The following GNAQ variants were observed in gnomAD, a reference collection of about 807,000 sequenced individuals.
GNAQ encodes guanine nucleotide-binding protein G(q) subunit alpha.
Under a neutral mutation model 43.9 loss-of-function variants are expected in GNAQ, and 8 were observed. That is an observed-to-expected ratio of 0.18 (90% CI 0.11 to 0.33). The LOEUF (loss-of-function observed/expected upper bound fraction) is 0.33, where lower values mean the gene tolerates loss of function less well. GNAQ is among the 10% of genes least tolerant of loss of function. The probability of loss-of-function intolerance (pLI) is 1.00; values close to 1 mark genes in which losing one functional copy is unlikely to be tolerated. For missense variants in GNAQ, 158 were observed against 450.8 expected, an observed-to-expected ratio of 0.35 and a Z score of 5.88; for synonymous variants, 155 against 170.7, an observed-to-expected ratio of 0.91 and a Z score of 0.71.
At chr9:77,769,675 T>C (rs1487642552) in intron 5 of GNAQ, among the ~76,000 whole-genome samples, 1 of 150,152 alleles carries the variant, frequency 6.7e-6, no homozygotes, top group Non-Finnish European at 1.5e-5. Context: ...TTTTTTTTTT[T>C]TTTTTTTGGG....
chr9:78,029,967 C>G (rs1239793445), intron 1 of GNAQ, among the ~76,000 whole-genome samples: 1 of 152,110 alleles, frequency 6.6e-6, no homozygotes, highest in Non-Finnish European at 1.5e-5. Context: ...GTATATGAAC[C>G]CTGATCGCTT....
intron 5 of GNAQ, among the ~76,000 whole-genome samples, chr9:77,740,528 T>C (rs1004817663): frequency 1.3e-5 from 2 of 152,340 alleles, no homozygotes; most frequent in East Asian, 3.9e-4. Flanking sequence ...GTGTAACTTA[T>C]TGGCTTAAAA....
chr9:77,890,424 C>T (rs1285974734), intron 2 of GNAQ, among the ~76,000 whole-genome samples: 4 of 152,110 alleles, frequency 2.6e-5, no homozygotes, highest in Non-Finnish European at 5.9e-5. Context: ...AGAAACGTGT[C>T]ATAAAACTGC....
intron 2 of GNAQ, among the ~76,000 whole-genome samples, chr9:77,849,158 C>T (rs1020606463): frequency 2.0e-5 from 3 of 152,020 alleles, no homozygotes; most frequent in Non-Finnish European, 2.9e-5. Context: ...CTGCTCCAGC[C>T]GACAGCAAAG....
intron 1 of GNAQ, among the ~76,000 whole-genome samples, chr9:78,029,877 G>A (rs1824028183): frequency 6.6e-6 from 1 of 152,168 alleles, no homozygotes; most frequent in African/African-American, 2.4e-5. Flanking sequence ...GAACACAAGT[G>A]CAGACATTTT....
intron 1 of GNAQ, among the ~76,000 whole-genome samples, chr9:77,999,799 C>A (rs749562921): frequency 6.6e-6 from 1 of 152,044 alleles, no homozygotes; most frequent in Admixed American, 6.6e-5. Flanking sequence ...TATTACCCTG[C>A]CAAAAATCAC....
chr9:77,737,662 G>C (rs1030868215), intron 5 of GNAQ, among the ~76,000 whole-genome samples: 1 of 152,160 alleles, frequency 6.6e-6, no homozygotes, highest in African/African-American at 2.4e-5. Context: ...ATAATCAACA[G>C]AGCAGCCTTG....
Position 77,933,277 on chromosome 9 carries a change from G to A in GNAQ, c.137-10932C>T, listed in dbSNP as rs190452781. ...CCTGATTTGCAATTTCACTTCCTATGAGATAAATCTCCTTAGCTAAAGAAA... is the reference window on the plus strand; with the variant it reads ...CCTGATTTGCAATTTCACTTCCTATAAGATAAATCTCCTTAGCTAAAGAAA... On this transcript the variant is annotated intron_variant, in intron 1 of 6. Transcript: ENST00000286548. Among the ~76,000 whole-genome samples the A allele has an allele frequency of 1.6e-3, 248 of 152,248 alleles. 1 individual carries two copies. Among genetic ancestry groups the A allele is most frequent in the African/African-American group, 5.9e-3 (244 of 41,552 alleles).
chr9:77,954,300 G>A (rs1029472569), intron 1 of GNAQ, among the ~76,000 whole-genome samples: 3 of 152,186 alleles, frequency 2.0e-5, no homozygotes, highest in Admixed American at 2.0e-4. Context: ...TGGTGTTAGA[G>A]AATTCCTGTT....
At chr9:77,749,377 T>C (rs1825778122) in intron 5 of GNAQ, among the ~76,000 whole-genome samples, 1 of 152,144 alleles carries the variant, frequency 6.6e-6, no homozygotes, top group Admixed American at 6.5e-5. Context: ...CTTAACCAGG[T>C]GGTAGAATGT....
rs1564102657 is a variant in GNAQ at position 77,761,036 on chromosome 9, A to AGCCCCTCCGCCCGGCAGCCACCCCATCTG, written c.736-32398_736-32370dup. 1.2e-4 allele frequency among the ~76,000 whole-genome samples: 18 copies of AGCCCCTCCGCCCGGCAGCCACCCCATCTG among 151,460 alleles called. No homozygotes were observed. The East Asian group carries it at 3.2e-3, about 27-fold the overall frequency. ...CAGCCGCCCCATCTGAGAAGTGAGGAGCCCCTCCGCCCGGCAGCCACCCCA... is the reference window on the plus strand; with the variant it reads ...CAGCCGCCCCATCTGAGAAGTGAGGAGCCCCTCCGCCCGGCAGCCACCCCATCTGGCCCCTCCGCCCGGCAGCCACCCCA... On this transcript the variant is annotated intron_variant, in intron 5 of 6. Coordinates refer to ENST00000286548, the MANE Select transcript of GNAQ (RefSeq NM_002072.5).
At chr9:77,931,311 C>T (rs1413941181) in intron 1 of GNAQ, among the ~76,000 whole-genome samples, 1 of 151,930 alleles carries the variant, frequency 6.6e-6, no homozygotes, top group Admixed American at 6.6e-5. Context: ...AAAGAACTCT[C>T]ACTGGGTGCG....
chr9:78,003,034 GA>G (rs1332329890), intron 1 of GNAQ, among the ~76,000 whole-genome samples: 7 of 151,990 alleles, frequency 4.6e-5, no homozygotes, highest in Non-Finnish European at 1.0e-4. Context: ...ATGAGTCAAA[GA>G]AAAAATGAAA....
chr9:77,760,725 C>T (rs980632694), intron 5 of GNAQ, among the ~76,000 whole-genome samples: 10 of 151,600 alleles, frequency 6.6e-5, no homozygotes, highest in African/African-American at 2.4e-4. Flanking sequence ...AAGTGAGGAG[C>T]GTCTCTGCCC....
chr9:77,883,846 T>C (rs551807250), intron 2 of GNAQ, among the ~76,000 whole-genome samples: 10 of 152,348 alleles, frequency 6.6e-5, no homozygotes, highest in African/African-American at 2.4e-4. Context: ...CTCTGTTCCC[T>C]GTTCATTGCC....
intron 2 of GNAQ, among the ~76,000 whole-genome samples, chr9:77,831,257 G>T (rs1376482874): frequency 6.6e-6 from 1 of 152,050 alleles, no homozygotes; most frequent in African/African-American, 2.4e-5. Flanking sequence ...TATCACAAAG[G>T]ATTAAAAATT....
At chr9:77,828,746 C>A (rs550115634) in intron 2 of GNAQ, among the ~76,000 whole-genome samples, 1 of 152,146 alleles carries the variant, frequency 6.6e-6, no homozygotes, top group African/African-American at 2.4e-5. Context: ...AAAGATGATA[C>A]AATGACCAGT....
At chr9:77,966,039 A>T (rs1443153363) in intron 1 of GNAQ, among the ~76,000 whole-genome samples, 1 of 152,108 alleles carries the variant, frequency 6.6e-6, no homozygotes, top group Non-Finnish European at 1.5e-5. Flanking sequence ...AACATAAATG[A>T]ATCTAAAAAT....
At chr9:77,988,887 TCA>T (rs1823474940) in intron 1 of GNAQ, among the ~76,000 whole-genome samples, 1 of 152,174 alleles carries the variant, frequency 6.6e-6, no homozygotes, top group African/African-American at 2.4e-5. Context: ...GACTATTACT[TCA>T]TAAGATTTAG....
Sources: gnomAD v4.1 joint callset for allele counts (sites outside exome capture counted in the v4.1 genomes callset) on GRCh38, gnomAD v4.1.1 for gene constraint, MANE v1.5 for transcripts, NCBI Gene and HGNC (gene_info 2026-07-23, HGNC 2026-07-21) for gene names.